The following BTBD9 variants were observed in gnomAD, a reference collection of about 807,000 sequenced individuals.
The protein encoded by BTBD9 is BTB domain containing 9, also known as BTB/POZ domain-containing protein 9.
Under a neutral mutation model 64.3 loss-of-function variants are expected in BTBD9, and 49 were observed. The ratio of observed to expected loss-of-function variants is 0.76; its 90% CI spans 0.61 to 0.97. The LOEUF (loss-of-function observed/expected upper bound fraction) is 0.97. BTBD9 is among the 50% of genes least tolerant of loss of function. The probability of loss-of-function intolerance (pLI) is 0.00; values close to 1 mark genes in which losing one functional copy is unlikely to be tolerated. For missense variants in BTBD9, 598 were observed against 762.1 expected (o/e 0.78, Z 2.53); for synonymous variants, 260 against 274.7 (o/e 0.95, Z 0.53).
chr6:38,517,171 C>G (rs757772536), intron 6 of BTBD9, among the ~76,000 whole-genome samples: 1 of 152,156 alleles, frequency 6.6e-6, no homozygotes, highest in Non-Finnish European at 1.5e-5. Flanking sequence ...CCAAGATGAT[C>G]TGTGAGCTCT....
At position 38,307,714 on chromosome 6, in the gene BTBD9, A is replaced by C. The variant is rs1365207323; in HGVS notation, c.1265-19253T>G. Among the ~76,000 whole-genome samples, 7 of 152,310 alleles carry C rather than the reference A, an allele frequency of 4.6e-5. No homozygotes were observed. The East Asian group carries it at 1.4e-3, about 29-fold the overall frequency. On this transcript the variant is annotated intron_variant, in intron 7 of 10. Coordinates refer to ENST00000481247, the MANE Select transcript of BTBD9 (RefSeq NM_001099272.2). Reference sequence around the variant, plus strand: ...TTTTTACATTAGCAAGGTTGCCCAAATCACATCTTATCTTAAGATTATAAG... The same window carrying C: ...TTTTTACATTAGCAAGGTTGCCCAACTCACATCTTATCTTAAGATTATAAG...
intron 6 of BTBD9, among the ~76,000 whole-genome samples, chr6:38,427,785 A>T (rs1768241763): frequency 6.6e-6 from 1 of 151,994 alleles, no homozygotes; most frequent in Non-Finnish European, 1.5e-5. Flanking sequence ...TCTTAGGTCA[A>T]CCATTCTCTA....
intron 6 of BTBD9, among the ~76,000 whole-genome samples, chr6:38,523,040 A>C (rs1287303612): frequency 6.6e-6 from 1 of 152,076 alleles, no homozygotes; most frequent in Admixed American, 6.5e-5. Flanking sequence ...AAAATTAGCC[A>C]GGCGTGGTGG....
intron 9 of BTBD9, among the ~76,000 whole-genome samples, chr6:38,216,992 G>A (rs1379052738): frequency 1.3e-5 from 2 of 151,892 alleles, no homozygotes; most frequent in African/African-American, 4.8e-5. Flanking sequence ...TGATGCTGAT[G>A]GCCTGGGAGC....
intron 6 of BTBD9, among the ~76,000 whole-genome samples, chr6:38,486,520 T>C (rs1163269682): frequency 6.6e-6 from 1 of 152,166 alleles, no homozygotes; most frequent in Non-Finnish European, 1.5e-5. Flanking sequence ...ATTTCAATAT[T>C]GTATCTCAGG....
intron 6 of BTBD9, among the ~76,000 whole-genome samples, chr6:38,463,085 T>C (rs1011160891): frequency 8.5e-5 from 13 of 152,200 alleles, no homozygotes; most frequent in Non-Finnish European, 1.6e-4. Context: ...CATGAGCCGA[T>C]GCGCCTGGCC....
chr6:38,610,332 C>A (rs188426049), intron 1 of BTBD9, among the ~76,000 whole-genome samples: 1 of 152,170 alleles, frequency 6.6e-6, no homozygotes, highest in African/African-American at 2.4e-5. Flanking sequence ...CATGGTAAAT[C>A]TAAAGCAACC....
intron 6 of BTBD9, among the ~76,000 whole-genome samples, chr6:38,428,289 T>C (rs1026270832): frequency 2.6e-5 from 4 of 151,874 alleles, no homozygotes; most frequent in African/African-American, 9.7e-5. Flanking sequence ...AGCATTGCAA[T>C]AGAATAGCAC....
rs187623485 is a variant in BTBD9 at position 38,255,538 on chromosome 6, T to C, written c.1562+871A>G. Among the ~76,000 whole-genome samples the C allele has an allele frequency of 1.1e-3, 167 of 152,316 alleles. 1 individual carries two copies. Among genetic ancestry groups the C allele is most frequent in the African/African-American group, 3.7e-3 (152 of 41,572 alleles). ...GGTACTGATCTCTTTTCATGTACCA[T>C]GATGCTAGGCTGCTCAGAACCCACA... is the stretch of plus-strand genomic sequence containing the variant. On this transcript the variant is annotated intron_variant, in intron 9 of 10. Coordinates refer to ENST00000481247, the MANE Select transcript of BTBD9 (RefSeq NM_001099272.2).
At chr6:38,249,145 CA>C (rs1764304722) in intron 9 of BTBD9, among the ~76,000 whole-genome samples, 1 of 152,232 alleles carries the variant, frequency 6.6e-6, no homozygotes, top group Admixed American at 6.5e-5. Context: ...TATACCCAGT[CA>C]AACTATGATT....
At chr6:38,602,538 C>T (rs1465298759) in intron 1 of BTBD9, among the ~76,000 whole-genome samples, 1 of 151,530 alleles carries the variant, frequency 6.6e-6, no homozygotes, top group Non-Finnish European at 1.5e-5. Flanking sequence ...AAATTGTTAA[C>T]CAAGGGTTAA....
chr6:38,380,552 G>T (rs55842851), intron 6 of BTBD9, among the ~76,000 whole-genome samples: 1 of 152,184 alleles, frequency 6.6e-6, no homozygotes, highest in African/African-American at 2.4e-5. Context: ...AGGGTAGGCT[G>T]GGTGAGGTGG....
chr6:38,565,602 T>C (rs1562347640), intron 6 of BTBD9, among the ~76,000 whole-genome samples: 1 of 152,114 alleles, frequency 6.6e-6, no homozygotes, highest in Non-Finnish European at 1.5e-5. Flanking sequence ...AAAATCTGCA[T>C]AAAACAAATG....
chr6:38,436,056 A>C (rs997317374), intron 6 of BTBD9, among the ~76,000 whole-genome samples: 2 of 151,982 alleles, frequency 1.3e-5, no homozygotes, highest in African/African-American at 4.8e-5. Context: ...GAGCAAAATC[A>C]TGAAATGTCA....
intron 10 of BTBD9, among the ~76,000 whole-genome samples, chr6:38,186,609 C>T (rs1761830722): frequency 6.6e-6 from 1 of 152,138 alleles, no homozygotes; most frequent in South Asian, 2.1e-4. Context: ...ATTCAGTTAA[C>T]AGGTCCTCTA....
At chr6:38,307,953 T>C (rs1456053635) in intron 7 of BTBD9, among the ~76,000 whole-genome samples, 1 of 152,210 alleles carries the variant, frequency 6.6e-6, no homozygotes, top group Non-Finnish European at 1.5e-5. Context: ...TGAGGTGATG[T>C]GGCAACAGTA....
At chr6:38,636,748 T>C (rs1778539948) in intron 1 of BTBD9, among the ~76,000 whole-genome samples, 1 of 151,904 alleles carries the variant, frequency 6.6e-6, no homozygotes, top group African/African-American at 2.4e-5. Context: ...ATGGGAGGAG[T>C]CTAGACTTTT....
chr6:38,232,422 C>T (rs1763640213), intron 9 of BTBD9, among the ~76,000 whole-genome samples: 1 of 151,996 alleles, frequency 6.6e-6, no homozygotes, highest in Non-Finnish European at 1.5e-5. Context: ...AGGCGGCTGC[C>T]ACCACGCCCG....
chr6:38,325,329 G>A (rs1044348504), intron 7 of BTBD9, among the ~76,000 whole-genome samples: 3 of 152,162 alleles, frequency 2.0e-5, no homozygotes, highest in Non-Finnish European at 4.4e-5. Context: ...GGTATTGCAT[G>A]GAAAACTAAG....
Sources: allele counts gnomAD v4.1 joint callset (sites outside exome capture counted in the v4.1 genomes callset), GRCh38; gene constraint gnomAD v4.1.1; transcripts MANE v1.5; gene names NCBI Gene and HGNC (gene_info 2026-07-23, HGNC 2026-07-21).